Variants in RASAL2 observed in about 807,000 individuals in gnomAD.
RASAL2 encodes the protein ras GTPase-activating protein nGAP.
Under a neutral mutation model 128.9 loss-of-function variants are expected in RASAL2, and 58 were observed. The observed-to-expected ratio is 0.45, with a 90% confidence interval of 0.36 to 0.56. The LOEUF (loss-of-function observed/expected upper bound fraction) is 0.56. Ranked by LOEUF, RASAL2 falls within the 20% of genes least tolerant of loss-of-function variation. The probability of loss-of-function intolerance (pLI) is 0.00; values close to 1 mark genes in which losing one functional copy is unlikely to be tolerated. For synonymous variants in RASAL2, 561 were observed against 580.8 expected, an observed-to-expected ratio of 0.97 and a Z score of 0.49; for missense variants, 1,360 against 1,601.6, an observed-to-expected ratio of 0.85 and a Z score of 2.57.
At chr1:178,275,931 A>T (rs1013259635) in intron 1 of RASAL2, among the ~76,000 whole-genome samples, 11 of 152,228 alleles carry the variant, frequency 7.2e-5, no homozygotes, top group Non-Finnish European at 1.6e-4. Flanking sequence ...AGGTTAAAAG[A>T]CACAATATAA....
At chr1:178,460,812 ATTTTTATTTTTATTTTTT>A (rs1368912009) in intron 14 of RASAL2, among the ~76,000 whole-genome samples, 1 of 149,018 alleles carries the variant, frequency 6.7e-6, no homozygotes, top group African/African-American at 2.5e-5. Context: ...TTAGTTTTTT[ATTTTTATTTTTATTTTTT>A]TGAAACAGAG....
chr1:178,207,315 A>G (rs1305847530), intron 1 of RASAL2, among the ~76,000 whole-genome samples: 2 of 152,214 alleles, frequency 1.3e-5, no homozygotes, highest in African/African-American at 4.8e-5. Context: ...CAGGTCCCAC[A>G]TCTGCAGATT....
At chr1:178,410,259 G>A (rs1278851898) in intron 4 of RASAL2, among the ~76,000 whole-genome samples, 2 of 152,122 alleles carry the variant, frequency 1.3e-5, no homozygotes, top group African/African-American at 2.4e-5. Context: ...AGATGTCTGA[G>A]ATGGAGGATC....
chr1:178,339,048 A>T (rs1285175401), intron 3 of RASAL2, among the ~76,000 whole-genome samples: 1 of 152,184 alleles, frequency 6.6e-6, no homozygotes, highest in Non-Finnish European at 1.5e-5. Flanking sequence ...AAACCTTTTT[A>T]AAGTATTTAG....
At chr1:178,396,826 TAAA>T (rs60205143) in intron 4 of RASAL2, among the ~76,000 whole-genome samples, 1 of 134,154 alleles carries the variant, frequency 7.5e-6, no homozygotes. Context: ...GAGTGGCTGG[TAAA>T]AAAAAAAAAA....
chr1:178,460,756 T>C (rs57390529), intron 14 of RASAL2, among the ~76,000 whole-genome samples: 10,714 of 152,248 alleles, frequency 0.07, 1,214 homozygotes, highest in African/African-American at 0.24. Flanking sequence ...AGTTTCTTTT[T>C]TTTTTCCTAC....
In RASAL2 at chr1:178,294,915, A is replaced by C. The variant is rs577555517; in HGVS notation, c.331-5077A>C. Among the ~76,000 whole-genome samples, 3 of 152,330 alleles carry C rather than the reference A, an allele frequency of 2.0e-5. No individual in the cohort carries two copies. In the East Asian group the frequency reaches 5.8e-4, roughly 29 times the overall value. ...GGGAAAGACTACGTAAGTTTTCCAG[A>C]GAGAAACTGAAGTATATTGAAAACA... On this transcript the variant is annotated intron_variant, in intron 2 of 17. Transcript: ENST00000367649.
chr1:178,289,947 A>C (rs1302711990), intron 2 of RASAL2, among the ~76,000 whole-genome samples: 3 of 151,876 alleles, frequency 2.0e-5, no homozygotes, highest in African/African-American at 7.3e-5. Context: ...TACCTCCTTC[A>C]TCTCTTTGCT....
chr1:178,196,099 A>G (rs972250969), intron 1 of RASAL2, among the ~76,000 whole-genome samples: 2 of 152,166 alleles, frequency 1.3e-5, no homozygotes, highest in African/African-American at 4.8e-5. Flanking sequence ...AGAATGTTAT[A>G]GGTATTATAT....
rs773476442 is a variant in RASAL2 at position 178,206,743 on chromosome 1, A to C, written c.203-76821A>C. 3.9e-5 allele frequency among the ~76,000 whole-genome samples: 6 copies of C among 152,334 alleles called. No individual in the cohort carries two copies. In the South Asian group the frequency reaches 8.3e-4, roughly 21 times the overall value. On this transcript the variant is annotated intron_variant, in intron 1 of 17. Transcript: ENST00000367649. ...ACAAAGATCTATATTAACATTTTTT[A>C]TAATGTTACTTCTAACAGTAAAAAC...
chr1:178,225,140 GA>G (rs1663742150), intron 1 of RASAL2, among the ~76,000 whole-genome samples: 1 of 151,980 alleles, frequency 6.6e-6, no homozygotes, highest in African/African-American at 2.4e-5. Flanking sequence ...GAGACTTAGT[GA>G]AGTTGGTCTG....
At chr1:178,466,611 T>A (rs1359474503) in intron 16 of RASAL2, among the ~76,000 whole-genome samples, 2 of 152,202 alleles carry the variant, frequency 1.3e-5, no homozygotes, top group Non-Finnish European at 2.9e-5. Flanking sequence ...CACATAATAG[T>A]TTGTTTAATC....
chr1:178,147,092 G>C (rs770264670), intron 1 of RASAL2, among the ~76,000 whole-genome samples: 77 of 151,944 alleles, frequency 5.1e-4, no homozygotes, highest in Admixed American at 3.7e-3. Flanking sequence ...GGTTTTGTCA[G>C]TGTAGATACT....
At chr1:178,148,824 G>A (rs985922627) in intron 1 of RASAL2, among the ~76,000 whole-genome samples, 2 of 152,136 alleles carry the variant, frequency 1.3e-5, no homozygotes, top group Non-Finnish European at 2.9e-5. Flanking sequence ...ACACTTATAT[G>A]AATATCAATA....
intron 1 of RASAL2, among the ~76,000 whole-genome samples, chr1:178,140,046 C>A (rs1328407977): frequency 6.6e-6 from 1 of 151,976 alleles, no homozygotes; most frequent in Non-Finnish European, 1.5e-5. Flanking sequence ...GAATTTTGAA[C>A]CCAGTTCTAT....
chr1:178,095,822 T>C (rs1283390373), intron 1 of RASAL2, among the ~76,000 whole-genome samples: 1 of 152,222 alleles, frequency 6.6e-6, no homozygotes, highest in Non-Finnish European at 1.5e-5. Flanking sequence ...ACTAAATGGC[T>C]ATGGGATTTG....
intron 1 of RASAL2, among the ~76,000 whole-genome samples, chr1:178,184,767 G>A (rs764425830): frequency 2.8e-4 from 42 of 151,902 alleles, no homozygotes; most frequent in Non-Finnish European, 5.2e-4. Flanking sequence ...CTTCAACTTT[G>A]TTCTTTTTCA....
rs140997599 is a variant in RASAL2 at position 178,283,291 on chromosome 1, A to T, written c.203-273A>T. 1.3e-3 allele frequency among the ~76,000 whole-genome samples: 200 copies of T among 152,334 alleles called. 2 individuals carry two copies. In the East Asian group the frequency reaches 0.025, roughly 19 times the overall value. ...CTCTGAAGCAACCTCTCATTATTAT[A>T]GTTTATATACAGTGGTAATTACTAT... On this transcript the variant is annotated intron_variant, in intron 1 of 17. Coordinates refer to ENST00000367649, the MANE Select transcript of RASAL2 (RefSeq NM_170692.4).
intron 1 of RASAL2, among the ~76,000 whole-genome samples, chr1:178,128,255 G>A (rs1307146567): frequency 6.6e-6 from 1 of 152,084 alleles, no homozygotes; most frequent in Non-Finnish European, 1.5e-5. Context: ...AACAAATGAA[G>A]TGCCTATCAA....
Sources: allele counts gnomAD v4.1 joint callset (sites outside exome capture counted in the v4.1 genomes callset), GRCh38; gene constraint gnomAD v4.1.1; transcripts MANE v1.5; gene names NCBI Gene and HGNC (gene_info 2026-07-23, HGNC 2026-07-21).